RARB: variants seen among roughly 807,000 people sequenced by gnomAD.
RARB encodes the protein retinoic acid receptor beta, also known as HBV-activated protein.
Under a neutral mutation model 51.9 loss-of-function variants are expected in RARB, and 17 were observed. The ratio of observed to expected loss-of-function variants is 0.33; its 90% CI spans 0.22 to 0.49. The LOEUF (loss-of-function observed/expected upper bound fraction) is 0.49, where lower values mean the gene tolerates loss of function less well. Among genes scored for constraint, RARB ranks in the 20% least tolerant of loss-of-function variants. The pLI is 0.99. For synonymous variants in RARB, 215 were observed against 195.4 expected (o/e 1.10, Z -0.84); for missense variants, 369 against 550.8 (o/e 0.67, Z 3.30).
intron 3 of RARB, among the ~76,000 whole-genome samples, chr3:25,127,473 T>C (rs34293324): frequency 0.13 from 20,151 of 152,224 alleles, 1,602 homozygotes; most frequent in South Asian, 0.28. Flanking sequence ...GTCCCAATTT[T>C]TCCGTATTTC....
At chr3:24,873,100 A>G (rs1259396304) in intron 2 of RARB, among the ~76,000 whole-genome samples, 2 of 152,222 alleles carry the variant, frequency 1.3e-5, no homozygotes, top group Non-Finnish European at 2.9e-5. Context: ...ATATTCCAAT[A>G]AAAGTTTATG....
intron 2 of RARB, among the ~76,000 whole-genome samples, chr3:25,034,450 G>A (rs1472755355): frequency 6.6e-6 from 1 of 152,184 alleles, no homozygotes; most frequent in East Asian, 1.9e-4. Flanking sequence ...GCAAATAAAG[G>A]CTTGAACGAG....
At chr3:25,433,051 A>T (rs1708271402) in intron 1 of RARB, among the ~76,000 whole-genome samples, 1 of 152,236 alleles carries the variant, frequency 6.6e-6, no homozygotes, top group African/African-American at 2.4e-5. Flanking sequence ...AAATTCAGTT[A>T]ACTATCAATT....
At chr3:25,174,095 TA>T (rs1323107825) in intron 4 of RARB, 3 of 183,028 alleles carry the variant, frequency 1.6e-5, no homozygotes, top group East Asian at 1.2e-4. Flanking sequence ...GTGATATATA[TA>T]TTTTTTTCAT....
rs1042952630 is a variant in RARB, at chr3:25,504,646, C to T, written c.448+3323C>T. On this transcript the variant is annotated intron_variant, in intron 3 of 7. Coordinates refer to ENST00000330688, the MANE Select transcript of RARB (RefSeq NM_000965.5). ...TTGTCAGGTCCCACAGTGCTGTTCC[C>T]AAGGCACTCTTCTTTATGCTGTGGG... Among the ~76,000 whole-genome samples the T allele has an allele frequency of 2.6e-5, 4 of 151,892 alleles. No homozygotes were observed. In the South Asian group the frequency reaches 6.2e-4, roughly 24 times the overall value.
At chr3:24,910,247 CA>C (rs1436501652) in intron 2 of RARB, among the ~76,000 whole-genome samples, 1 of 151,860 alleles carries the variant, frequency 6.6e-6, no homozygotes, top group South Asian at 2.1e-4. Context: ...GGGGTGCTGG[CA>C]AAAAAACGTT....
intron 3 of RARB, among the ~76,000 whole-genome samples, chr3:25,090,473 T>G (rs893385226): frequency 1.3e-5 from 2 of 152,148 alleles, no homozygotes; most frequent in African/African-American, 4.8e-5. Context: ...ACTGTCACTT[T>G]TGTCACCATC....
At chr3:25,046,126 A>G (rs2125297337) in intron 2 of RARB, among the ~76,000 whole-genome samples, 1 of 152,294 alleles carries the variant, frequency 6.6e-6, no homozygotes, top group East Asian at 1.9e-4. Flanking sequence ...CTGGGGTTGA[A>G]TGGGAAATTA....
At chr3:24,903,103 T>C (rs1307546273) in intron 2 of RARB, among the ~76,000 whole-genome samples, 1 of 152,098 alleles carries the variant, frequency 6.6e-6, no homozygotes, top group Non-Finnish European at 1.5e-5. Flanking sequence ...CTCCAAGTAG[T>C]AAATACATTT....
At chr3:25,018,535 T>C (rs1019001760) in intron 2 of RARB, among the ~76,000 whole-genome samples, 15 of 152,168 alleles carry the variant, frequency 9.9e-5, no homozygotes, top group African/African-American at 2.9e-4. Context: ...AAGGTGTTTC[T>C]CTCTTTGAAG....
chr3:25,389,182 G>A (rs2125485675), intron 5 of RARB, among the ~76,000 whole-genome samples: 1 of 152,200 alleles, frequency 6.6e-6, no homozygotes, highest in East Asian at 1.9e-4. Flanking sequence ...TTTTCTTGAT[G>A]GAATTCCAAG....
At chr3:25,373,052 C>T (rs1706351471) in intron 5 of RARB, among the ~76,000 whole-genome samples, 1 of 152,000 alleles carries the variant, frequency 6.6e-6, no homozygotes, top group Admixed American at 6.6e-5. Flanking sequence ...GGTGGGAATG[C>T]AGAGTGGACA....
At chr3:25,277,532 G>T (rs570356041) in intron 5 of RARB, among the ~76,000 whole-genome samples, 426 of 152,246 alleles carry the variant, frequency 2.8e-3, no homozygotes, top group African/African-American at 9.8e-3. Flanking sequence ...GACTCTCATG[G>T]GCCTAGAGTA....
chr3:25,296,837 A>G (rs1703926561), intron 5 of RARB, among the ~76,000 whole-genome samples: 1 of 152,184 alleles, frequency 6.6e-6, no homozygotes, highest in African/African-American at 2.4e-5. Context: ...AGTGAGCCAG[A>G]CATCTCACTT....
intron 1 of RARB, among the ~76,000 whole-genome samples, chr3:24,837,515 G>T (rs1702359911): frequency 6.6e-6 from 1 of 152,200 alleles, no homozygotes; most frequent in Non-Finnish European, 1.5e-5. Context: ...ACTTAGAGTA[G>T]ATAGCTTTTT....
At chr3:25,105,489 A>G (rs1699482364) in intron 3 of RARB, among the ~76,000 whole-genome samples, 1 of 150,566 alleles carries the variant, frequency 6.6e-6, no homozygotes, top group Middle Eastern at 3.5e-3. Flanking sequence ...TTTGCCAAGT[A>G]TGACTGCACT....
At chr3:25,339,948 G>C (rs1575324596) in intron 5 of RARB, among the ~76,000 whole-genome samples, 1 of 152,122 alleles carries the variant, frequency 6.6e-6, no homozygotes, top group African/African-American at 2.4e-5. Context: ...AAATAAGTAA[G>C]AGGCCTACTG....
chr3:25,205,591 A>C lies in RARB; in HGVS notation c.178+31016A>C, dbSNP rs559755762. ...CAACCCACTGCAATGTTTTTAACCC[A>C]AAAAAAATAAATGCTTGAGGTGATG... On this transcript the variant is annotated intron_variant, in intron 5 of 11. Transcript: ENST00000383772. Among the ~76,000 whole-genome samples the C allele has an allele frequency of 9.9e-5, 15 of 151,926 alleles. 1 individual carries two copies. In the South Asian group the frequency reaches 2.3e-3, roughly 23 times the overall value.
intron 5 of RARB, among the ~76,000 whole-genome samples, chr3:25,196,139 T>G (rs1255049279): frequency 6.6e-6 from 1 of 152,088 alleles, no homozygotes; most frequent in Non-Finnish European, 1.5e-5. Flanking sequence ...ATTATGTATG[T>G]ATACATGTGC....
Sources: allele counts gnomAD v4.1 joint callset (sites outside exome capture counted in the v4.1 genomes callset), GRCh38; gene constraint gnomAD v4.1.1; transcripts MANE v1.5; gene names NCBI Gene and HGNC (gene_info 2026-07-23, HGNC 2026-07-21).